ZMAT1: variants seen among roughly 807,000 people sequenced by gnomAD.
ZMAT1 encodes zinc finger matrin-type protein 1.
Under a neutral mutation model 18.5 loss-of-function variants are expected in ZMAT1, and 11 were observed. That is an observed-to-expected ratio of 0.59 (90% CI 0.37 to 0.98). The LOEUF is 0.98. ZMAT1 is among the 50% of genes least tolerant of loss of function. ZMAT1 has a pLI of 0.01. For synonymous variants in ZMAT1, 211 were observed against 176.4 expected (o/e 1.20, Z -1.55); for missense variants, 525 against 496.2 (o/e 1.06, Z -0.55).
In ZMAT1 at chrX:101,884,787, T is replaced by C; in HGVS notation, c.811A>G (p.Arg271Gly). ...SIVINLVKNSRKTQDSYQNEC... is the reference protein window; with the variant it reads ...SIVINLVKNSGKTQDSYQNEC... ...TTTTGGTAAGAGTCTTGTGTCTTCC[T>C]TGAATTCTTCACTAGATTGATAACA... The change falls in exon 6 of 6, where the codon AGG becomes GGG. Residue 271 changes from arginine to glycine, a missense_variant. Transcript: ENST00000651725. 3 of 1,199,958 alleles carry C rather than the reference T, an allele frequency of 2.5e-6. No individual in the cohort carries two copies. The highest frequency in any genetic ancestry group is 3.4e-6 in the Non-Finnish European group (3 of 885,476).
In ZMAT1 at chrX:101,924,830, A is replaced by T. The variant is rs1020812927; in HGVS notation, c.292+6887T>A. ...ATATTACTTTCCATAAATACATCAG[A>T]AAGTTCTTCAGAGTGGAGAAATATG... On this transcript the variant is annotated intron_variant, in intron 1 of 5. Coordinates refer to ENST00000651725, the MANE Select transcript of ZMAT1 (RefSeq NM_001394560.1). 2.7e-5 allele frequency among the ~76,000 whole-genome samples: 3 copies of T among 111,955 alleles called. No homozygotes were observed. In the Admixed American group the frequency reaches 2.8e-4, roughly 11 times the overall value.
rs1270224748 is a variant in ZMAT1 at position 101,893,668 on chromosome X, G to A, written c.676+4200C>T. ...ATAGATGAATTAGATGAAGTCCCTT[G>A]CCTCAAAGACCTTACATTCTAATTG... On this transcript the variant is annotated intron_variant, in intron 4 of 5. Transcript: ENST00000651725. Among the ~76,000 whole-genome samples the A allele has an allele frequency of 4.5e-5, 5 of 111,780 alleles. No individual in the cohort carries two copies. The Admixed American group carries it at 4.8e-4, about 11-fold the overall frequency.
At chrX:101,896,123 G>A (rs774543982) in intron 4 of ZMAT1, among the ~76,000 whole-genome samples, 148 of 111,279 alleles carry the variant, frequency 1.3e-3, no homozygotes, top group Non-Finnish European at 2.4e-3. Context: ...TCTGTATTAG[G>A]CATTGCCTGA....
At chrX:101,896,844 C>T (rs1927843180) in intron 4 of ZMAT1, among the ~76,000 whole-genome samples, 1 of 106,753 alleles carries the variant, frequency 9.4e-6, no homozygotes, top group African/African-American at 3.5e-5. Flanking sequence ...GCTGGTGACC[C>T]AACATCACCA....
At chrX:101,905,543 G>A (rs1191904674) in intron 1 of ZMAT1, among the ~76,000 whole-genome samples, 1 of 111,909 alleles carries the variant, frequency 8.9e-6, no homozygotes, top group East Asian at 2.8e-4. Context: ...TGAATAAAAA[G>A]CTGTAGAACA....
At chrX:101,906,909 T>C (rs1299849293) in intron 1 of ZMAT1, among the ~76,000 whole-genome samples, 20 of 110,393 alleles carry the variant, frequency 1.8e-4, no homozygotes, top group Admixed American at 1.5e-3. Flanking sequence ...GCTCCAGGCT[T>C]ATTCTAGAAG....
In ZMAT1 at chrX:101,882,589, C is replaced by T. The variant is rs1003513534; in HGVS notation, c.*921G>A. 7 of 111,552 alleles carry T rather than the reference C, an allele frequency of 6.3e-5. No individual in the cohort carries two copies. The highest frequency in any genetic ancestry group is 1.9e-4 in the Admixed American group (2 of 10,483). 9.2% of individuals were successfully genotyped at this position (111,552 alleles called of 1,213,427 possible). On this transcript the variant is annotated 3_prime_UTR_variant, in exon 6 of 6. Transcript: ENST00000651725. Reference sequence around the variant, plus strand: ...ACCAAGGAAAGAACTGATTTTGTAACGCTTGGTAATTCTGTCCTTTAAAAT... The same window carrying T: ...ACCAAGGAAAGAACTGATTTTGTAATGCTTGGTAATTCTGTCCTTTAAAAT...
chrX:101,894,360 G>C (rs1927647263), intron 4 of ZMAT1: 1 of 671,453 alleles, frequency 1.5e-6, no homozygotes, highest in Non-Finnish European at 1.8e-6. Context: ...TGGAGATAAG[G>C]GGAGAGTAGT....
At chrX:101,907,709 CAGAG>C (rs1928708991) in intron 1 of ZMAT1, among the ~76,000 whole-genome samples, 1 of 111,748 alleles carries the variant, frequency 8.9e-6, no homozygotes, top group Non-Finnish European at 1.9e-5. Flanking sequence ...AGACATTTAA[CAGAG>C]GGACTGAAAT....
intron 1 of ZMAT1, among the ~76,000 whole-genome samples, chrX:101,917,067 C>G (rs909221395): frequency 4.5e-5 from 5 of 111,816 alleles, no homozygotes; most frequent in African/African-American, 1.6e-4. Context: ...AATGTAAGAC[C>G]TCAAACCATA....
intron 1 of ZMAT1, among the ~76,000 whole-genome samples, chrX:101,928,071 C>G (rs1055738373): frequency 1.3e-4 from 14 of 111,958 alleles, no homozygotes; most frequent in Non-Finnish European, 1.9e-4. Flanking sequence ...CTTCACTGTG[C>G]CTGTAGTATA....
rs753374763 is a variant in ZMAT1 at position 101,886,690 on chromosome X, C to T, written c.718G>A (p.Ala240Thr). 3 of 1,202,540 alleles carry T rather than the reference C, an allele frequency of 2.5e-6. No homozygotes were observed. The African/African-American group carries it at 5.3e-5, about 21-fold the overall frequency. Residue 240 changes from alanine to threonine, a missense_variant, in exon 5 of 6, where the codon GCT (alanine) becomes ACT (threonine). Ala to Thr is a moderately conservative substitution (Grantham distance 58). Transcript: ENST00000651725. ...CGGAACATATCTAAAGATGTAAAAG[C>T]AATACTACAAATATGGCAAACATAG... ...RTYVCHICSI[A>T]FTSLDMFRSH... is the part of the protein sequence containing the mutation.
At chrX:101,916,963 A>C (rs1401907416) in intron 1 of ZMAT1, among the ~76,000 whole-genome samples, 1 of 112,086 alleles carries the variant, frequency 8.9e-6, no homozygotes, top group East Asian at 2.8e-4. Flanking sequence ...ATCAATAAAC[A>C]GTGCTGGGAA....
chrX:101,911,823 A>T, intron 1 of ZMAT1: 1 of 1,206,760 alleles, frequency 8.3e-7, no homozygotes, highest in Non-Finnish European at 1.1e-6. Context: ...ACCAAGGAAA[A>T]GCCCTATCGG....
At position 101,911,881 on chromosome X, in the gene ZMAT1, G is replaced by C. The variant is rs1355341937; in HGVS notation, c.293-7551C>G. 14 of 1,205,237 alleles carry C rather than the reference G, an allele frequency of 1.2e-5. No homozygotes were observed. The Admixed American group carries it at 2.8e-4, about 24-fold the overall frequency. On this transcript the variant is annotated intron_variant, in intron 1 of 5. Transcript: ENST00000651725. ...TCAGCCACAGCTCCTTGCTCAGCCA[G>C]CATGAAAGGACGCACACTGGGGAAA...
Position 101,884,790 on chromosome X carries a change from A to G in ZMAT1, c.808T>C (p.Ser270Pro). ...TGGTAAGAGTCTTGTGTCTTCCTTG[A>G]ATTCTTCACTAGATTGATAACAATG... Reference protein sequence around the residue: ...ESIVINLVKNSRKTQDSYQNE... With the variant: ...ESIVINLVKNPRKTQDSYQNE... The change falls in exon 6 of 6, where the codon TCA (serine) becomes CCA (proline). Residue 270 changes from serine to proline, a missense_variant. By Grantham distance (74) the Ser-to-Pro change is moderately conservative. Coordinates refer to ENST00000651725, the MANE Select transcript of ZMAT1 (RefSeq NM_001394560.1). 1 of 1,194,409 alleles carries G rather than the reference A, an allele frequency of 8.4e-7. No homozygotes were observed.
rs1006595062 is a variant in ZMAT1 at position 101,931,995 on chromosome X, G to C, written c.14C>G (p.Pro5Arg). Reference sequence around the variant, plus strand: ...CGCCGCCAGCGGGGTGACTGTGCTCGGCGCCGCCGCCATCGCAGCGAGGCG... The same window carrying C: ...CGCCGCCAGCGGGGTGACTGTGCTCCGCGCCGCCGCCATCGCAGCGAGGCG... Reference protein sequence around the residue: MAAAPSTVTPLAAES... With the variant: MAAARSTVTPLAAES... Residue 5 changes from proline (P) to arginine (R), a missense_variant, in exon 1 of 6, where the codon CCG becomes CGG. By Grantham distance (103) the Pro-to-Arg change is moderately radical. Transcript: ENST00000651725. The C allele has an allele frequency of 7.6e-5, 58 of 766,860 alleles. No homozygotes were observed. The highest frequency in any genetic ancestry group is 8.8e-5 in the Non-Finnish European group (57 of 648,149). 63.2% of individuals were successfully genotyped at this position (766,860 alleles called of 1,213,427 possible).
intron 1 of ZMAT1, among the ~76,000 whole-genome samples, chrX:101,920,954 T>C (rs1487472017): frequency 9.0e-6 from 1 of 110,502 alleles, no homozygotes; most frequent in Non-Finnish European, 1.9e-5. Flanking sequence ...CTGATTGATA[T>C]AAAAGTCTTG....
intron 4 of ZMAT1, chrX:101,892,754 G>A: frequency 1.3e-6 from 1 of 748,560 alleles, no homozygotes; most frequent in Non-Finnish European, 1.6e-6. Context: ...TAAGATCTGA[G>A]CTGGATGAGG....
Sources: allele counts gnomAD v4.1 joint callset (sites outside exome capture counted in the v4.1 genomes callset), GRCh38; gene constraint gnomAD v4.1.1; transcripts MANE v1.5; gene names NCBI Gene and HGNC (gene_info 2026-07-23, HGNC 2026-07-21).